The following PITPNB variants were observed in gnomAD, a reference collection of about 807,000 sequenced individuals.
PITPNB encodes the protein phosphatidylinositol transfer protein beta isoform.
A neutral mutation model predicts 45.9 loss-of-function variants in PITPNB; 16 were observed. That is an observed-to-expected ratio of 0.35 (90% CI 0.24 to 0.53). The LOEUF (loss-of-function observed/expected upper bound fraction) is 0.53, where lower values mean the gene tolerates loss of function less well. PITPNB is among the 20% of genes least tolerant of loss of function. The probability of loss-of-function intolerance (pLI) is 0.93; values close to 1 mark genes in which losing one functional copy is unlikely to be tolerated. For missense variants in PITPNB, 188 were observed against 330.5 expected (o/e 0.57, Z 3.34); for synonymous variants, 112 against 108.9 (o/e 1.03, Z -0.18).
intron 11 of PITPNB, 62 bp downstream of exon 11, chr22:27,854,792 A>G: frequency 1.1e-6 from 1 of 872,982 alleles, no homozygotes; most frequent in Non-Finnish European, 1.9e-6. Flanking sequence ...TCAGCAAGTT[A>G]ACTGCCCATC....
chr22:27,899,718 G>C (rs1037259350), intron 3 of PITPNB, among the ~76,000 whole-genome samples: 2 of 152,202 alleles, frequency 1.3e-5, no homozygotes, highest in African/African-American at 4.8e-5. Flanking sequence ...AAGTCAAAGA[G>C]TATCTAGCTG....
chr22:27,875,576 C>T (rs773029189), intron 7 of PITPNB, among the ~76,000 whole-genome samples: 2 of 152,210 alleles, frequency 1.3e-5, no homozygotes, highest in Non-Finnish European at 2.9e-5. Flanking sequence ...AAACCTGTAA[C>T]ACCATAAAAC....
intron 1 of PITPNB, among the ~76,000 whole-genome samples, chr22:27,916,134 A>C (rs945499290): frequency 6.6e-6 from 1 of 152,246 alleles, no homozygotes; most frequent in African/African-American, 2.4e-5. Context: ...GTAATTTTAC[A>C]CTCACTAACA....
chr22:27,890,581 G>A (rs1935246725), intron 7 of PITPNB, among the ~76,000 whole-genome samples: 1 of 152,142 alleles, frequency 6.6e-6, no homozygotes, highest in Non-Finnish European at 1.5e-5. Flanking sequence ...TTGGGAGGCT[G>A]AAGCAGGAGG....
At chr22:27,880,140 T>C (rs2146375832) in intron 7 of PITPNB, among the ~76,000 whole-genome samples, 1 of 152,114 alleles carries the variant, frequency 6.6e-6, no homozygotes, top group Admixed American at 6.5e-5. Flanking sequence ...GGAAGTGAAA[T>C]TCTTTGCCAG....
intron 3 of PITPNB, among the ~76,000 whole-genome samples, chr22:27,904,204 T>C (rs888597416): frequency 1.2e-4 from 18 of 152,228 alleles, no homozygotes; most frequent in Non-Finnish European, 2.5e-4. Context: ...GCAGCATTAC[T>C]TGTAACAGCC....
At chr22:27,877,565 T>C (rs1934854459) in intron 7 of PITPNB, among the ~76,000 whole-genome samples, 1 of 152,250 alleles carries the variant, frequency 6.6e-6, no homozygotes, top group Non-Finnish European at 1.5e-5. Flanking sequence ...GGTGTACATC[T>C]GTTACTACAG....
rs532189202 is a variant in PITPNB, at chr22:27,914,371, T to G, written c.21-24A>C. On this transcript the variant is annotated intron_variant, in intron 1 of 11. Transcript: ENST00000335272. ...GGCTAAAAAGACAAAAGAAAAAATA[T>G]ATATATTACATATGAAATAGCTTTA... The G allele has an allele frequency of 4.1e-6, 6 of 1,460,228 alleles. No individual in the cohort carries two copies. The Admixed American group carries it at 8.6e-5, about 21-fold the overall frequency. 90.5% of individuals were successfully genotyped at this position (1,460,228 alleles called of 1,614,324 possible).
intron 7 of PITPNB, among the ~76,000 whole-genome samples, chr22:27,879,897 T>C (rs1934920575): frequency 6.6e-6 from 1 of 152,112 alleles, no homozygotes. Context: ...AGCTTCTAAG[T>C]CCCAAGATTC....
At chr22:27,878,981 C>T (rs1048468357) in intron 7 of PITPNB, among the ~76,000 whole-genome samples, 4 of 152,080 alleles carry the variant, frequency 2.6e-5, no homozygotes, top group African/African-American at 9.7e-5. Context: ...TTTTAAACAA[C>T]TGTATTGAGA....
intron 4 of PITPNB, 43 bp downstream of exon 4, chr22:27,897,758 C>A (rs763001433): frequency 8.0e-7 from 1 of 1,247,664 alleles, no homozygotes; most frequent in African/African-American, 1.5e-5. Context: ...CCCTCTCATT[C>A]TCAGGGTGGA....
intron 3 of PITPNB, among the ~76,000 whole-genome samples, chr22:27,899,118 C>T (rs1446670427): frequency 2.0e-5 from 3 of 152,186 alleles, no homozygotes; most frequent in African/African-American, 7.2e-5. Context: ...CTATTACCTG[C>T]TCTGCAGGGT....
chr22:27,898,195 G>T (rs1217408938), intron 3 of PITPNB: 3 of 287,970 alleles, frequency 1.0e-5, no homozygotes, highest in Non-Finnish European at 2.0e-5. Flanking sequence ...GGACAACATG[G>T]TGAAACCCTG....
intron 8 of PITPNB, among the ~76,000 whole-genome samples, chr22:27,870,450 T>A (rs180677157): frequency 1.1e-3 from 175 of 152,298 alleles, no homozygotes; most frequent in Admixed American, 1.9e-3. Flanking sequence ...TCTGTACTGG[T>A]AAGGCAGGTT....
At chr22:27,906,649 C>T (rs1291108013) in intron 3 of PITPNB, among the ~76,000 whole-genome samples, 1 of 152,180 alleles carries the variant, frequency 6.6e-6, no homozygotes, top group Non-Finnish European at 1.5e-5. Context: ...AATGAATAAA[C>T]TCCCACCTAA....
intron 3 of PITPNB, among the ~76,000 whole-genome samples, chr22:27,900,307 G>C (rs1935557720): frequency 6.6e-6 from 1 of 151,836 alleles, no homozygotes; most frequent in African/African-American, 2.4e-5. Flanking sequence ...TTCCTATAGT[G>C]CCTGATATGT....
rs371550302 is a variant in PITPNB at position 27,862,776 on chromosome 22, T to C, written c.535-2535A>G. On this transcript the variant is annotated intron_variant, in intron 8 of 11. Transcript: ENST00000335272. ...TGTCAGGGGACATAAATGTAGCTAATAGAGAAGAGGATAATTATGTAAATA... is the reference window on the plus strand; with the variant it reads ...TGTCAGGGGACATAAATGTAGCTAACAGAGAAGAGGATAATTATGTAAATA... 6.0e-4 allele frequency among the ~76,000 whole-genome samples: 92 copies of C among 152,370 alleles called. 4 individuals carry two copies. In the South Asian group the frequency reaches 0.018, roughly 29 times the overall value.
intron 1 of PITPNB, 123 bp downstream of exon 1, chr22:27,919,049 C>T: frequency 6.8e-7 from 1 of 1,470,142 alleles, no homozygotes; most frequent in Non-Finnish European, 9.5e-7. Context: ...AGGGAGGGGG[C>T]GCCCGCAGGG....
At chr22:27,866,180 TATG>T (rs1480405948) in intron 8 of PITPNB, among the ~76,000 whole-genome samples, 2 of 152,206 alleles carry the variant, frequency 1.3e-5, no homozygotes, top group Non-Finnish European at 2.9e-5. Flanking sequence ...AACCTCAAAT[TATG>T]ACTCATTGCT....
Sources: gnomAD v4.1 joint callset for allele counts (sites outside exome capture counted in the v4.1 genomes callset) on GRCh38, gnomAD v4.1.1 for gene constraint, MANE v1.5 for transcripts, NCBI Gene and HGNC (gene_info 2026-07-23, HGNC 2026-07-21) for gene names.